The following EDIL3 variants were observed in gnomAD, a reference collection of about 807,000 sequenced individuals.
EDIL3 encodes the protein EGF-like repeat and discoidin I-like domain-containing protein 3.
EDIL3 carries 37 observed loss-of-function variants against 67.4 expected under a neutral mutation model. The observed-to-expected ratio is 0.55, with a 90% CI of 0.42 to 0.72. The LOEUF is 0.72. Among genes scored for constraint, EDIL3 ranks in the 30% least tolerant of loss-of-function variants. The pLI is 0.00. For missense variants in EDIL3, 527 were observed against 586.3 expected, an observed-to-expected ratio of 0.90 and a Z score of 1.04; for synonymous variants, 195 against 196.3, an observed-to-expected ratio of 0.99 and a Z score of 0.05.
At chr5:84,333,282 T>C (rs1746913936) in intron 1 of EDIL3, among the ~76,000 whole-genome samples, 2 of 152,124 alleles carry the variant, frequency 1.3e-5, no homozygotes, top group Non-Finnish European at 2.9e-5. Context: ...ACATTGAACT[T>C]TGTATATAAC....
intron 4 of EDIL3, among the ~76,000 whole-genome samples, chr5:84,154,930 C>T (rs1301799672): frequency 6.6e-6 from 1 of 152,030 alleles, no homozygotes; most frequent in Non-Finnish European, 1.5e-5. Context: ...GAACTCCTGA[C>T]TTCAGGCAAT....
intron 1 of EDIL3, among the ~76,000 whole-genome samples, chr5:84,266,491 G>A (rs1481918030): frequency 6.6e-6 from 1 of 152,116 alleles, no homozygotes; most frequent in Non-Finnish European, 1.5e-5. Flanking sequence ...GACTCTCACG[G>A]GGTGGTATGC....
At chr5:84,276,046 A>C (rs1460186079) in intron 1 of EDIL3, among the ~76,000 whole-genome samples, 1 of 152,058 alleles carries the variant, frequency 6.6e-6, no homozygotes, top group East Asian at 1.9e-4. Flanking sequence ...TGTTGCTGGG[A>C]TCTCTCTTAC....
At chr5:84,065,670 A>G (rs899765649) in intron 7 of EDIL3, among the ~76,000 whole-genome samples, 2 of 152,174 alleles carry the variant, frequency 1.3e-5, no homozygotes, top group Admixed American at 6.5e-5. Context: ...ATTGAATATA[A>G]TATTCAATAC....
intron 3 of EDIL3, among the ~76,000 whole-genome samples, chr5:84,221,572 G>A (rs1744342726): frequency 6.6e-6 from 1 of 151,848 alleles, no homozygotes; most frequent in Admixed American, 6.6e-5. Context: ...TTAAAAAAAG[G>A]AAACGTAAGC....
chr5:84,308,196 G>A (rs970498434), intron 1 of EDIL3, among the ~76,000 whole-genome samples: 3 of 152,152 alleles, frequency 2.0e-5, no homozygotes, highest in Admixed American at 6.5e-5. Context: ...TGATCTAGTG[G>A]CTAACAGGTC....
intron 1 of EDIL3, among the ~76,000 whole-genome samples, chr5:84,264,922 T>C (rs532798185): frequency 1.7e-4 from 26 of 152,292 alleles, no homozygotes; most frequent in Non-Finnish European, 3.4e-4. Flanking sequence ...CTTATTTAGA[T>C]CTTAGATTGT....
chr5:84,092,085 C>T (rs989034321), intron 6 of EDIL3, among the ~76,000 whole-genome samples: 5 of 152,060 alleles, frequency 3.3e-5, no homozygotes. Context: ...ATACAGAGTC[C>T]AGGGGCAATT....
chr5:84,064,596 A>T, intron 8 of EDIL3, 104 bp downstream of exon 8: 2 of 1,413,366 alleles, frequency 1.4e-6, no homozygotes, highest in Non-Finnish European at 1.9e-6. Context: ...CCCCAGAAAA[A>T]AATTTCTATG....
chr5:84,081,529 A>G lies in EDIL3; in HGVS notation c.652-14923T>C, dbSNP rs533409126. On this transcript the variant is annotated intron_variant, in intron 6 of 10. Coordinates refer to ENST00000296591, the MANE Select transcript of EDIL3 (RefSeq NM_005711.5). Reference sequence around the variant, plus strand: ...TTTGCTAATGAATATTTTTGAAAGAAGCCAGAGTGTTACCAAAAAGAAAAA... The same window carrying G: ...TTTGCTAATGAATATTTTTGAAAGAGGCCAGAGTGTTACCAAAAAGAAAAA... Among the ~76,000 whole-genome samples the G allele has an allele frequency of 8.3e-4, 127 of 152,276 alleles. 4 individuals are homozygous for G. The South Asian group carries it at 0.026, about 31-fold the overall frequency.
At chr5:84,334,665 A>T (rs1012173026) in intron 1 of EDIL3, among the ~76,000 whole-genome samples, 2 of 152,222 alleles carry the variant, frequency 1.3e-5, no homozygotes, top group Admixed American at 1.3e-4. Flanking sequence ...TTGAGCTTAA[A>T]GTATCATCAT....
intron 3 of EDIL3, among the ~76,000 whole-genome samples, chr5:84,186,203 T>G (rs545569901): frequency 6.6e-6 from 1 of 152,198 alleles, no homozygotes; most frequent in Admixed American, 6.5e-5. Context: ...AAAAAAATAT[T>G]ACTAAAGTAA....
chr5:84,353,369 C>A (rs370030142), intron 1 of EDIL3, among the ~76,000 whole-genome samples: 1 of 152,020 alleles, frequency 6.6e-6, no homozygotes, highest in Non-Finnish European at 1.5e-5. Flanking sequence ...TGTGTGACAT[C>A]GAATCCGTAA....
At chr5:84,208,685 CAAAAAAAAAAAAAA>C (rs70975546) in intron 3 of EDIL3, among the ~76,000 whole-genome samples, 72 of 59,408 alleles carry the variant, frequency 1.2e-3, no homozygotes, top group African/African-American at 4.7e-3. Flanking sequence ...GACTCCGTCT[CAAAAAAAAAAAAAA>C]AAAAAAAAAA....
intron 3 of EDIL3, chr5:84,181,237 A>C (rs1018812512): frequency 6.6e-6 from 1 of 152,206 alleles, no homozygotes; most frequent in Non-Finnish European, 1.5e-5. Context: ...CTGCTAATGA[A>C]AGTGTGGTGC....
At chr5:84,305,918 A>AATAAATAGATAG (rs1373583712) in intron 1 of EDIL3, among the ~76,000 whole-genome samples, 3 of 149,716 alleles carry the variant, frequency 2.0e-5, no homozygotes, top group African/African-American at 7.5e-5. Context: ...TAAATAAATA[A>AATAAATAGATAG]ATAGATAGAT....
intron 1 of EDIL3, among the ~76,000 whole-genome samples, chr5:84,343,243 G>C (rs547106376): frequency 6.6e-6 from 1 of 151,616 alleles, no homozygotes; most frequent in East Asian, 1.9e-4. Context: ...ATTTTCATTT[G>C]CTGAAATTCT....
chr5:84,074,613 G>C (rs1472197617), intron 6 of EDIL3, among the ~76,000 whole-genome samples: 4 of 151,532 alleles, frequency 2.6e-5, no homozygotes, highest in African/African-American at 9.7e-5. Flanking sequence ...CACCATCACT[G>C]GCCATCAGCG....
At chr5:84,118,399 A>T (rs1258848993) in intron 5 of EDIL3, among the ~76,000 whole-genome samples, 1 of 152,170 alleles carries the variant, frequency 6.6e-6, no homozygotes, top group Non-Finnish European at 1.5e-5. Flanking sequence ...TAGGTGCACA[A>T]CTTCATCAGA....
Sources: gnomAD v4.1 joint callset for allele counts (sites outside exome capture counted in the v4.1 genomes callset) on GRCh38, gnomAD v4.1.1 for gene constraint, MANE v1.5 for transcripts, NCBI Gene and HGNC (gene_info 2026-07-23, HGNC 2026-07-21) for gene names.